Variants in TCF20 observed in about 807,000 individuals in gnomAD.
TCF20 encodes transcription factor 20.
Under a neutral mutation model 148.6 loss-of-function variants are expected in TCF20, and 3 were observed. The ratio of observed to expected loss-of-function variants is 0.02; its 90% CI spans 0.01 to 0.05. TCF20 has a LOEUF of 0.05. Ranked by LOEUF, TCF20 falls within the 10% of genes least tolerant of loss-of-function variation. The pLI is 1.00. For missense variants in TCF20, 2,350 were observed against 2,429.3 expected, an observed-to-expected ratio of 0.97 and a Z score of 0.69; for synonymous variants, 1,049 against 909.5, an observed-to-expected ratio of 1.15 and a Z score of -2.76.
upstream of TCF20, among the ~76,000 whole-genome samples, chr22:42,273,192 T>C (rs1926685161): frequency 2.0e-5 from 3 of 151,312 alleles, no homozygotes; most frequent in South Asian, 6.3e-4. Flanking sequence ...AAACCCTGTC[T>C]CTACTAAAAA....
Position 42,215,125 on chromosome 22 carries a change from C to G in TCF20, c.181G>C (p.Gly61Arg), listed in dbSNP as rs751875361. Residue 61 changes from glycine to arginine, a missense_variant, in exon 2 of 6, where the codon GGA (glycine) becomes CGA (arginine). Gly to Arg is a moderately radical substitution (Grantham distance 125). Around this residue, in one of 7 missense-constraint regions of TCF20, gnomAD observed 1,641 missense variants for 1,662.6 expected, o/e 0.99. Transcript: ENST00000677622. ...SGSGSGGGRR[G>R]AAAAAAAMAS... ...ATCGCTGCCGCAGCAGCTGCTGCTC[C>G]TCGTCGTCCACCACCACTGCCACTG... The G allele has an allele frequency of 4.3e-6, 7 of 1,614,112 alleles. No individual in the cohort carries two copies. The highest frequency in any genetic ancestry group is 2.2e-5 in the East Asian group (1 of 44,890).
intron 1 of TCF20, among the ~76,000 whole-genome samples, chr22:42,328,341 C>G (rs1026386466): frequency 3.3e-5 from 5 of 152,202 alleles, no homozygotes; most frequent in Non-Finnish European, 7.3e-5. Context: ...TGAGGCAAGA[C>G]GGGATGGGCG....
intron 1 of TCF20, among the ~76,000 whole-genome samples, chr22:42,314,420 C>T (rs1601703544): frequency 6.6e-6 from 1 of 152,240 alleles, no homozygotes; most frequent in Non-Finnish European, 1.5e-5. Flanking sequence ...TCCCCATGGC[C>T]ACATCGCAGG....
intron 3 of TCF20, among the ~76,000 whole-genome samples, chr22:42,172,469 A>G (rs1431593710): frequency 1.3e-5 from 2 of 152,234 alleles, no homozygotes. Context: ...TGCATAGTGA[A>G]GTCAAAGTAA....
At chr22:42,333,250 C>A (rs1928009495) in intron 1 of TCF20, among the ~76,000 whole-genome samples, 1 of 151,888 alleles carries the variant, frequency 6.6e-6, no homozygotes, top group Non-Finnish European at 1.5e-5. Flanking sequence ...TGCACCAGGG[C>A]TGTGTGTAGA....
At chr22:42,241,054 C>T (rs1043091539) in intron 1 of TCF20, among the ~76,000 whole-genome samples, 1 of 152,134 alleles carries the variant, frequency 6.6e-6, no homozygotes, top group Non-Finnish European at 1.5e-5. Context: ...GGGGGTTTCA[C>T]CATGTTGGCC....
intron 2 of TCF20, among the ~76,000 whole-genome samples, chr22:42,189,672 T>C (rs1325296105): frequency 6.6e-6 from 1 of 152,246 alleles, no homozygotes; most frequent in African/African-American, 2.4e-5. Flanking sequence ...GGACATAGCC[T>C]AAAACTTGCT....
intron 2 of TCF20, among the ~76,000 whole-genome samples, chr22:42,195,701 C>T (rs572605367): frequency 1.3e-5 from 2 of 151,944 alleles, no homozygotes; most frequent in African/African-American, 2.4e-5. Flanking sequence ...GGTTTCCCCA[C>T]GTTGGCCAGG....
At chr22:42,293,046 G>A (rs1200682090) in intron 1 of TCF20, among the ~76,000 whole-genome samples, 2 of 152,152 alleles carry the variant, frequency 1.3e-5, no homozygotes, top group Admixed American at 1.3e-4. Context: ...ACAAAGCCCC[G>A]GGGCCAGCTC....
intron 5 of TCF20, among the ~76,000 whole-genome samples, chr22:42,162,436 C>G (rs529241597): frequency 6.6e-6 from 1 of 152,194 alleles, no homozygotes. Context: ...TGGAGGGCTT[C>G]TCTCCTCTTC....
intron 1 of TCF20, among the ~76,000 whole-genome samples, 129 bp downstream of exon 1, chr22:42,270,210 G>A (rs1601684436): frequency 6.6e-6 from 1 of 151,730 alleles, no homozygotes; most frequent in South Asian, 2.1e-4. Flanking sequence ...GAGTCCAGGA[G>A]GCTCCGCACT....
intron 1 of TCF20, among the ~76,000 whole-genome samples, chr22:42,237,867 A>G (rs534279754): frequency 1.3e-5 from 2 of 152,338 alleles, no homozygotes; most frequent in African/African-American, 2.4e-5. Context: ...ACCATTCTGT[A>G]AACAGATGTG....
In TCF20 at chr22:42,251,492, C is replaced by CTTTTTTTTTTT. The variant is rs71184878; in HGVS notation, c.-37+18836_-37+18846dup. Among the ~76,000 whole-genome samples, 4 of 47,026 alleles carry CTTTTTTTTTTT rather than the reference C, an allele frequency of 8.5e-5. 1 individual carries two copies. Among genetic ancestry groups the CTTTTTTTTTTT allele is most frequent in the African/African-American group, 3.6e-4 (4 of 11,118 alleles). 30.9% of individuals were successfully genotyped at this position (47,026 alleles called of 152,430 possible). ...ACTCTGTACCTGGCCAAACAAGTGT[C>CTTTTTTTTTTT]TTTTTTTTTTTTTTTTTTTTTTTTT... is the stretch of plus-strand genomic sequence containing the variant. On this transcript the variant is annotated intron_variant, in intron 1 of 5. Coordinates refer to ENST00000677622, the MANE Select transcript of TCF20 (RefSeq NM_001378418.1).
intron 1 of TCF20, among the ~76,000 whole-genome samples, chr22:42,328,185 T>C (rs886944563): frequency 1.3e-5 from 2 of 151,998 alleles, no homozygotes; most frequent in Non-Finnish European, 2.9e-5. Flanking sequence ...CGTGAGCTGC[T>C]CTCTACTCGG....
intron 1 of TCF20, among the ~76,000 whole-genome samples, chr22:42,245,146 T>A (rs1054960440): frequency 6.6e-6 from 1 of 152,176 alleles, no homozygotes; most frequent in Non-Finnish European, 1.5e-5. Context: ...ACCTAGGACA[T>A]GCAAGAGCAA....
chr22:42,237,198 G>A (rs5758667), intron 1 of TCF20, among the ~76,000 whole-genome samples: 27,057 of 152,178 alleles, frequency 0.18, 2,669 homozygotes, highest in East Asian at 0.35. Context: ...CCCCGCCACT[G>A]CTTAATCAAC....
intron 1 of TCF20, among the ~76,000 whole-genome samples, chr22:42,252,832 CTA>C (rs1925490479): frequency 6.6e-6 from 1 of 152,064 alleles, no homozygotes; most frequent in African/African-American, 2.4e-5. Context: ...ATATATAAAA[CTA>C]TTTTAACAAA....
intron 3 of TCF20, among the ~76,000 whole-genome samples, chr22:42,173,848 G>C (rs1217328165): frequency 3.9e-5 from 6 of 152,174 alleles, no homozygotes; most frequent in Admixed American, 1.3e-4. Context: ...AGCAAAGCCA[G>C]AGGCCGACAG....
At chr22:42,335,428 G>C (rs938197232) in intron 1 of TCF20, among the ~76,000 whole-genome samples, 2 of 152,136 alleles carry the variant, frequency 1.3e-5, no homozygotes, top group Admixed American at 1.3e-4. Flanking sequence ...TGAGCTCCTC[G>C]AGGGTGAGAA....
Sources: gnomAD v4.1 joint callset for allele counts (sites outside exome capture counted in the v4.1 genomes callset) on GRCh38, gnomAD v4.1.1 for gene constraint, gnomAD v4.1.1 regional missense constraint, MANE v1.5 for transcripts, NCBI Gene and HGNC (gene_info 2026-07-23, HGNC 2026-07-21) for gene names.